Variants in IL1RL2 observed in about 807,000 individuals in gnomAD.
IL1RL2 encodes the protein interleukin-1 receptor-like 2.
A neutral mutation model predicts 66.8 loss-of-function variants in IL1RL2; 68 were observed. That is an observed-to-expected ratio of 1.02 (90% CI 0.84 to 1.25). The LOEUF is 1.25. IL1RL2 is among the 50% of genes most tolerant of loss of function. The pLI is 0.00. For missense variants in IL1RL2, 729 were observed against 709.3 expected, an observed-to-expected ratio of 1.03 and a Z score of -0.32; for synonymous variants, 305 against 264.6, an observed-to-expected ratio of 1.15 and a Z score of -1.48.
intron 1 of IL1RL2, 52 bp from the exon 2 acceptor site, chr2:102,187,804 G>A: frequency 1.3e-6 from 2 of 1,495,224 alleles, no homozygotes; most frequent in Non-Finnish European, 1.9e-6. Context: ...CCGGCGCCTC[G>A]GGCCCGCCCT....
intron 10 of IL1RL2, 66 bp downstream of exon 10, chr2:102,233,190 C>T (rs1232705309): frequency 6.8e-7 from 1 of 1,468,526 alleles, no homozygotes; most frequent in East Asian, 2.3e-5. Flanking sequence ...TGTTCCTCCA[C>T]TTTACTAATG....
intron 9 of IL1RL2, among the ~76,000 whole-genome samples, chr2:102,228,204 T>C (rs1014748185): frequency 2.0e-5 from 3 of 152,246 alleles, no homozygotes; most frequent in African/African-American, 7.2e-5. Flanking sequence ...GTAATATCTC[T>C]GTGTGTTGGC....
chr2:102,212,112 G>T lies in IL1RL2; in HGVS notation c.662G>T (p.Gly221Val). ...TATGATTTCTTAGCAGAAAGAGCTG[G>T]ATATGGAGGAAGTGTCCCTAAAATC... ...GITVSITERA[G>V]YGGSVPKIIY... Residue 221 changes from glycine to valine, a missense_variant, in exon 6 of 12, where the codon GGA becomes GTA. Physicochemically the swap from Gly to Val is moderately radical, Grantham distance 109 (BLOSUM62 -3). Transcript: ENST00000264257. 6.2e-7 allele frequency: 1 copy of T among 1,612,778 alleles called. No homozygotes were observed. The highest frequency in any genetic ancestry group is 1.1e-5 in the South Asian group (1 of 91,036).
At chr2:102,192,313 C>T (rs1334905856) in intron 4 of IL1RL2, among the ~76,000 whole-genome samples, 193 bp downstream of exon 4, 1 of 152,102 alleles carries the variant, frequency 6.6e-6, no homozygotes. Flanking sequence ...GTTATTATAG[C>T]TTTGTAATAT....
chr2:102,195,651 CTTTCTTTCTTTCTT>C (rs1559530518), intron 4 of IL1RL2, among the ~76,000 whole-genome samples: 10 of 27,252 alleles, frequency 3.7e-4, no homozygotes, highest in South Asian at 1.9e-3. Flanking sequence ...CTCTCTCTTT[CTTTCTTTCTTTCTT>C]TCTTTCTTTC....
intron 10 of IL1RL2, among the ~76,000 whole-genome samples, chr2:102,233,715 A>G (rs959245029): frequency 2.6e-5 from 4 of 152,070 alleles, no homozygotes; most frequent in Non-Finnish European, 4.4e-5. Flanking sequence ...CCTGACTCAG[A>G]TGAGAGAACT....
At chr2:102,197,961 C>T (rs921873684) in intron 4 of IL1RL2, among the ~76,000 whole-genome samples, 5 of 152,180 alleles carry the variant, frequency 3.3e-5, no homozygotes, top group African/African-American at 1.2e-4. Context: ...GGCCTCGATG[C>T]CACTTCCTGA....
At chr2:102,213,898 A>C (rs963619045) in intron 6 of IL1RL2, among the ~76,000 whole-genome samples, 1 of 152,172 alleles carries the variant, frequency 6.6e-6, no homozygotes, top group Non-Finnish European at 1.5e-5. Context: ...ACTTCCAGCA[A>C]ATCTAATCCC....
intron 4 of IL1RL2, 26 bp downstream of exon 4, chr2:102,192,146 T>C: frequency 6.9e-7 from 1 of 1,454,954 alleles, no homozygotes; most frequent in Non-Finnish European, 9.3e-7. Context: ...CTTATTGATA[T>C]TTTTCCTCCT....
At chr2:102,191,415 T>C (rs1687221504) in intron 3 of IL1RL2, among the ~76,000 whole-genome samples, 1 of 152,236 alleles carries the variant, frequency 6.6e-6, no homozygotes, top group Non-Finnish European at 1.5e-5. Flanking sequence ...AATGTTTTTC[T>C]TTCTTTTCCA....
In IL1RL2 at chr2:102,187,914, C is replaced by T. The variant is rs200105307; in HGVS notation, c.47C>T (p.Ser16Phe). The T allele has an allele frequency of 5.0e-6, 8 of 1,614,054 alleles. No individual in the cohort carries two copies. The East Asian group carries it at 1.8e-4, about 36-fold the overall frequency. The part of the protein sequence containing the change: ...LCGLSIALPL[S>F]VTADGCKDIF... ...GGGTTGTCCATCGCCCTTCCACTGT[C>T]TGTCACAGCAGGTACGTTCCGTGTG... The change falls in exon 2 of 12, where the codon TCT (serine) becomes TTT (phenylalanine). Residue 16 changes from serine to phenylalanine, a missense_variant. Transcript: ENST00000264257.
intron 9 of IL1RL2, among the ~76,000 whole-genome samples, chr2:102,226,243 C>T (rs756442051): frequency 4.6e-5 from 7 of 152,160 alleles, no homozygotes; most frequent in East Asian, 1.9e-4. Flanking sequence ...CTTGCAGGCT[C>T]GTAGTGATTG....
chr2:102,241,330 G>C (rs1344210499), downstream of IL1RL2, among the ~76,000 whole-genome samples: 1 of 152,148 alleles, frequency 6.6e-6, no homozygotes, highest in Non-Finnish European at 1.5e-5. Flanking sequence ...TGCGGTCATA[G>C]GGATTTCAGA....
chr2:102,222,878 T>G (rs1334082900), intron 8 of IL1RL2, among the ~76,000 whole-genome samples: 1 of 152,172 alleles, frequency 6.6e-6, no homozygotes, highest in Non-Finnish European at 1.5e-5. Flanking sequence ...TGGTTACAAC[T>G]TAAATCTGTC....
At chr2:102,241,653 C>T (rs1490706570), downstream of IL1RL2, among the ~76,000 whole-genome samples, 1 of 152,190 alleles carries the variant, frequency 6.6e-6, no homozygotes, top group African/African-American at 2.4e-5. Context: ...AGACCCTAAG[C>T]TAAGCTCTTT....
chr2:102,187,183 A>G (rs770906423), intron 1 of IL1RL2, 97 bp downstream of exon 1: 5 of 1,243,044 alleles, frequency 4.0e-6, no homozygotes, highest in African/African-American at 1.5e-5. Flanking sequence ...AATGTGTGCC[A>G]CCGCAGGCCA....
At position 102,219,589 on chromosome 2, in the gene IL1RL2, G is replaced by A. The variant is rs559675978; in HGVS notation, c.855-292G>A. Among the ~76,000 whole-genome samples, 51 of 152,166 alleles carry A rather than the reference G, an allele frequency of 3.4e-4. No individual in the cohort carries two copies. In the South Asian group the frequency reaches 6.4e-3, roughly 19 times the overall value. On this transcript the variant is annotated intron_variant, in intron 7 of 11. Coordinates refer to ENST00000264257, the MANE Select transcript of IL1RL2 (RefSeq NM_003854.4). ...GGCAGGAGAGCTTGTGTTGGGCCTC[G>A]CAGTATGGATAAGTTAGGATACTTG...
chr2:102,207,224 T>C (rs570506842), intron 5 of IL1RL2, among the ~76,000 whole-genome samples: 1 of 152,230 alleles, frequency 6.6e-6, no homozygotes, highest in Middle Eastern at 3.4e-3. Context: ...AAGAGCCTGC[T>C]TCATGACCTA....
intron 4 of IL1RL2, among the ~76,000 whole-genome samples, chr2:102,197,625 T>C (rs1687898339): frequency 1.3e-5 from 2 of 152,196 alleles, no homozygotes; most frequent in Non-Finnish European, 2.9e-5. Context: ...TGGAATTCCA[T>C]GTCTCCAGCT....
Sources: allele counts gnomAD v4.1 joint callset (sites outside exome capture counted in the v4.1 genomes callset), GRCh38; gene constraint gnomAD v4.1.1; transcripts MANE v1.5; gene names NCBI Gene and HGNC (gene_info 2026-07-23, HGNC 2026-07-21).